FBXO34: variants seen among roughly 807,000 people sequenced by gnomAD.
FBXO34 encodes the protein F-box only protein 34.
FBXO34 carries 12 observed loss-of-function variants against 24.5 expected under a neutral mutation model. That is an observed-to-expected ratio of 0.49 (90% CI 0.31 to 0.79). The LOEUF is 0.79. Ranked by LOEUF, FBXO34 falls within the 30% of genes least tolerant of loss-of-function variation. The pLI is 0.04. For missense variants in FBXO34, 823 were observed against 857.7 expected (o/e 0.96, Z 0.51); for synonymous variants, 320 against 311.9 (o/e 1.03, Z -0.27).
At chr14:55,273,406 G>A (rs1881225284) in intron 1 of FBXO34, among the ~76,000 whole-genome samples, 1 of 152,132 alleles carries the variant, frequency 6.6e-6, no homozygotes, top group Non-Finnish European at 1.5e-5. Context: ...CCACAACCTT[G>A]GGAATTTGAC....
At chr14:55,323,220 TATA>T (rs1566555863) in intron 1 of FBXO34, among the ~76,000 whole-genome samples, 1 of 19,980 alleles carries the variant, frequency 5.0e-5, no homozygotes. Flanking sequence ...AAAAAAAAAA[TATA>T]TATTTTTTTT....
At chr14:55,427,621 A>G in the FBXO34 span, among the ~76,000 whole-genome samples, 2 of 152,086 alleles carry the variant, frequency 1.3e-5, no homozygotes, top group African/African-American at 2.4e-5. Context: ...GCCCAGGTGT[A>G]TATCTTGGTG....
downstream of FBXO34, among the ~76,000 whole-genome samples, chr14:55,373,804 C>G (rs1169899093): frequency 1.5e-5 from 2 of 135,304 alleles, no homozygotes; most frequent in Non-Finnish European, 3.2e-5. Flanking sequence ...AAATTTGTTT[C>G]AAAAAAAAAA....
chr14:55,387,860 A>G, the FBXO34 span, among the ~76,000 whole-genome samples: 1 of 152,050 alleles, frequency 6.6e-6, no homozygotes, highest in Non-Finnish European at 1.5e-5. Context: ...GTAGAGATGG[A>G]GTTTGACCAT....
downstream of FBXO34, chr14:55,370,069 G>T: frequency 1.5e-6 from 1 of 646,942 alleles, no homozygotes; most frequent in South Asian, 4.3e-5. Flanking sequence ...AGCACTCCGT[G>T]TTGACATATG....
chr14:55,380,855 G>GTATATATA, the FBXO34 span, among the ~76,000 whole-genome samples: 83 of 118,064 alleles, frequency 7.0e-4, no homozygotes, highest in Admixed American at 1.2e-3. Context: ...TTCTTTGTGT[G>GTATATATA]TATATATATA....
intron 1 of FBXO34, among the ~76,000 whole-genome samples, chr14:55,278,037 C>T (rs982957387): frequency 1.3e-5 from 2 of 152,130 alleles, no homozygotes; most frequent in African/African-American, 4.8e-5. Context: ...GCCACCGCAG[C>T]ACCGAGAACC....
intron 1 of FBXO34, among the ~76,000 whole-genome samples, chr14:55,300,607 C>T (rs979509759): frequency 6.6e-6 from 1 of 152,120 alleles, no homozygotes; most frequent in Non-Finnish European, 1.5e-5. Context: ...AAAAAAGAAA[C>T]CACGTTATTT....
chr14:55,364,288 C>G (rs1884632860), downstream of FBXO34, among the ~76,000 whole-genome samples: 2 of 152,102 alleles, frequency 1.3e-5, no homozygotes, highest in African/African-American at 2.4e-5. Context: ...TTCAAAGGCT[C>G]CTTTAGATCC....
chr14:55,421,060 CAAAAAAAA>C, the FBXO34 span, among the ~76,000 whole-genome samples: 1 of 107,590 alleles, frequency 9.3e-6, no homozygotes, highest in Non-Finnish European at 1.8e-5. Context: ...GAATCTGTCT[CAAAAAAAA>C]AAAAAAAAAA....
intron 3 of FBXO34, among the ~76,000 whole-genome samples, chr14:55,360,107 CTG>C (rs1331927865): frequency 6.6e-6 from 1 of 151,932 alleles, no homozygotes; most frequent in Non-Finnish European, 1.5e-5. Flanking sequence ...GAGTCTCGCT[CTG>C]TCTCCCAGGC....
the FBXO34 span, among the ~76,000 whole-genome samples, chr14:55,381,467 C>T: frequency 2.6e-5 from 4 of 152,152 alleles, no homozygotes; most frequent in South Asian, 4.2e-4. Context: ...CAATATTAAC[C>T]CCCAAAAGGT....
At chr14:55,318,983 C>T (rs76278551) in intron 1 of FBXO34, among the ~76,000 whole-genome samples, 1,701 of 152,242 alleles carry the variant, frequency 0.011, 14 homozygotes, top group Middle Eastern at 0.027. Flanking sequence ...TAGGTCATCT[C>T]ACAGTCCACT....
chr14:55,394,829 C>A, the FBXO34 span: 5 of 303,296 alleles, frequency 1.6e-5, no homozygotes, highest in Non-Finnish European at 3.2e-5. Context: ...TAAAAACTAA[C>A]CCCCCAACTA....
the FBXO34 span, among the ~76,000 whole-genome samples, chr14:55,375,369 T>C: frequency 6.6e-6 from 1 of 152,124 alleles, no homozygotes; most frequent in African/African-American, 2.4e-5. Context: ...CATTCTGTCA[T>C]CCAGGTTGGA....
At chr14:55,302,020 A>T (rs902172648) in intron 1 of FBXO34, among the ~76,000 whole-genome samples, 4 of 152,246 alleles carry the variant, frequency 2.6e-5, no homozygotes, top group African/African-American at 4.8e-5. Context: ...ATCAGAGGCC[A>T]TAGGGAACTG....
the FBXO34 span, chr14:55,397,246 C>T: frequency 1.2e-6 from 1 of 858,454 alleles, no homozygotes; most frequent in Non-Finnish European, 1.9e-6. Flanking sequence ...CTTTCCTACA[C>T]TTTAAGAGGT....
rs1884432711 is a variant in FBXO34 at position 55,352,613 on chromosome 14, T to C, written c.*87T>C. 5 of 1,088,590 alleles carry C rather than the reference T, an allele frequency of 4.6e-6. No homozygotes were observed. The highest frequency in any genetic ancestry group is 6.5e-6 in the Non-Finnish European group (5 of 765,716). 67.4% of individuals were successfully genotyped at this position (1,088,590 alleles called of 1,614,324 possible). ...GTTCAAATGAGCGTAGCCCCCTGAG[T>C]CATCACTCTAGAAGAATCTGTACAT... On this transcript the variant is annotated 3_prime_UTR_variant, in exon 2 of 2. Coordinates refer to ENST00000313833, the MANE Select transcript of FBXO34 (RefSeq NM_017943.4).
At chr14:55,427,832 T>C in the FBXO34 span, among the ~76,000 whole-genome samples, 106 of 145,172 alleles carry the variant, frequency 7.3e-4, no homozygotes, top group African/African-American at 1.8e-3. Flanking sequence ...TGCAGCTATA[T>C]ACACACACAC....
Sources: allele counts gnomAD v4.1 joint callset (sites outside exome capture counted in the v4.1 genomes callset), GRCh38; gene constraint gnomAD v4.1.1; transcripts MANE v1.5; gene names NCBI Gene and HGNC (gene_info 2026-07-23, HGNC 2026-07-21).